Variants in SPATA13 observed in about 807,000 individuals in gnomAD.
SPATA13 encodes the protein spermatogenesis associated 13.
A neutral mutation model predicts 104.0 loss-of-function variants in SPATA13; 50 were observed. The ratio of observed to expected loss-of-function variants is 0.48; its 90% CI spans 0.38 to 0.61. SPATA13 has a LOEUF of 0.61. Among genes scored for constraint, SPATA13 ranks in the 20% least tolerant of loss-of-function variants. The pLI is 0.00. For missense variants in SPATA13, 1,524 were observed against 1,690.6 expected (o/e 0.90, Z 1.73); for synonymous variants, 606 against 667.5 (o/e 0.91, Z 1.42).
chr13:24,046,424 G>C (rs1423965686), intron 3 of SPATA13, among the ~76,000 whole-genome samples: 1 of 151,360 alleles, frequency 6.6e-6, no homozygotes, highest in African/African-American at 2.4e-5. Flanking sequence ...CTCCACAGTA[G>C]CTAGGACACA....
intron 3 of SPATA13, among the ~76,000 whole-genome samples, chr13:24,146,900 T>G (rs1881951392): frequency 9.1e-6 from 1 of 110,296 alleles, no homozygotes; most frequent in East Asian, 2.9e-4. Flanking sequence ...TTTTACAAGC[T>G]CCAGTCTTTT....
chr13:24,054,943 C>G (rs1015553606), intron 3 of SPATA13, among the ~76,000 whole-genome samples: 3 of 152,204 alleles, frequency 2.0e-5, no homozygotes, highest in African/African-American at 7.2e-5. Context: ...ATTTAGCTAG[C>G]TACCTTTCAG....
chr13:24,246,946 A>G (rs546932037), intron 2 of SPATA13, among the ~76,000 whole-genome samples: 3 of 152,246 alleles, frequency 2.0e-5, no homozygotes, highest in Non-Finnish European at 4.4e-5. Flanking sequence ...AACTTAAGGG[A>G]AAACAAGTGA....
At chr13:24,092,220 G>GA (rs763524269) in intron 3 of SPATA13, among the ~76,000 whole-genome samples, 3 of 152,170 alleles carry the variant, frequency 2.0e-5, no homozygotes, top group Non-Finnish European at 2.9e-5. Flanking sequence ...AAGTGCTTTT[G>GA]AGATTGTGTT....
At chr13:24,217,568 A>G (rs1380075253) in intron 1 of SPATA13, among the ~76,000 whole-genome samples, 2 of 152,246 alleles carry the variant, frequency 1.3e-5, no homozygotes, top group Non-Finnish European at 2.9e-5. Context: ...GAAGGCAGAC[A>G]AGGAAAGCAG....
At chr13:24,046,876 G>C (rs1593297648) in intron 3 of SPATA13, among the ~76,000 whole-genome samples, 1 of 152,116 alleles carries the variant, frequency 6.6e-6, no homozygotes, top group East Asian at 1.9e-4. Flanking sequence ...GATAAAATCA[G>C]TTCACTGAGA....
chr13:24,139,093 C>A (rs538910705), intron 3 of SPATA13, among the ~76,000 whole-genome samples: 3 of 152,300 alleles, frequency 2.0e-5, no homozygotes, highest in African/African-American at 7.2e-5. Flanking sequence ...GGGGGTGCAT[C>A]CTTCCTCGCC....
At chr13:24,221,159 AGTGT>A (rs1566157332) in intron 1 of SPATA13, among the ~76,000 whole-genome samples, 3 of 152,222 alleles carry the variant, frequency 2.0e-5, no homozygotes, top group Admixed American at 1.3e-4. Flanking sequence ...AGTGGAGAAG[AGTGT>A]GGGCTTTGTG....
chr13:24,140,324 T>C (rs987893610), intron 3 of SPATA13, among the ~76,000 whole-genome samples: 1 of 152,186 alleles, frequency 6.6e-6, no homozygotes, highest in Non-Finnish European at 1.5e-5. Context: ...GCTGAGATGC[T>C]CAGGAAATCA....
At chr13:24,276,919 C>CT (rs1366893338) in intron 4 of SPATA13, among the ~76,000 whole-genome samples, 1 of 152,210 alleles carries the variant, frequency 6.6e-6, no homozygotes, top group Non-Finnish European at 1.5e-5. Flanking sequence ...CATTGACACG[C>CT]TGTGGACTAC....
intron 3 of SPATA13, among the ~76,000 whole-genome samples, chr13:24,031,028 AC>A (rs1877457623): frequency 6.6e-6 from 1 of 152,222 alleles, no homozygotes; most frequent in African/African-American, 2.4e-5. Context: ...CTATGTTTTC[AC>A]CCAGTTTACC....
At chr13:24,187,342 C>T (rs1869213636) in intron 1 of SPATA13, among the ~76,000 whole-genome samples, 1 of 152,098 alleles carries the variant, frequency 6.6e-6, no homozygotes, top group South Asian at 2.1e-4. Context: ...CTGAGTAGTC[C>T]TAGCTATCTT....
intron 1 of SPATA13, among the ~76,000 whole-genome samples, chr13:24,217,411 C>G (rs966661127): frequency 2.0e-5 from 3 of 152,180 alleles, no homozygotes; most frequent in Non-Finnish European, 4.4e-5. Context: ...CCATCTGGCC[C>G]AGATGTTGGG....
At chr13:24,171,597 C>A (rs906545879) in intron 1 of SPATA13, among the ~76,000 whole-genome samples, 1 of 152,204 alleles carries the variant, frequency 6.6e-6, no homozygotes, top group Admixed American at 6.5e-5. Flanking sequence ...GCTGGTGCCC[C>A]ACTGGGTCAG....
chr13:24,145,555 AG>A (rs974690567), intron 3 of SPATA13, among the ~76,000 whole-genome samples: 2 of 152,212 alleles, frequency 1.3e-5, no homozygotes, highest in African/African-American at 4.8e-5. Context: ...GAAGAGTCAG[AG>A]GGGTGGCATT....
At chr13:24,052,803 C>G (rs1158134022) in intron 3 of SPATA13, among the ~76,000 whole-genome samples, 13 of 149,968 alleles carry the variant, frequency 8.7e-5, no homozygotes, top group Non-Finnish European at 1.6e-4. Flanking sequence ...CTCAGGGGCC[C>G]GTGCAGCACT....
chr13:24,142,423 C>A (rs1344732922), intron 3 of SPATA13, among the ~76,000 whole-genome samples: 1 of 152,094 alleles, frequency 6.6e-6, no homozygotes, highest in Admixed American at 6.5e-5. Context: ...TCTTTCATGA[C>A]CTTGACACTT....
intron 3 of SPATA13, among the ~76,000 whole-genome samples, chr13:24,087,504 C>A (rs758953742): frequency 5.3e-5 from 8 of 152,138 alleles, no homozygotes; most frequent in Non-Finnish European, 7.4e-5. Context: ...TTTACTGCAA[C>A]GTTAATAGAA....
rs578073444 is a variant in SPATA13 at position 24,191,598 on chromosome 13, C to T, written c.-112+30666C>T. On this transcript the variant is annotated intron_variant, in intron 1 of 12. Coordinates refer to ENST00000382108, the MANE Select transcript of SPATA13 (RefSeq NM_001166271.3). ...GATCTTGGCTCACTGCAAGCTCTGC[C>T]ACCTGGGTTCACGCCATTCTCCTGC... is the stretch of plus-strand genomic sequence containing the variant. 2.0e-5 allele frequency among the ~76,000 whole-genome samples: 3 copies of T among 149,600 alleles called. No individual in the cohort carries two copies. The East Asian group carries it at 5.9e-4, about 30-fold the overall frequency.
Sources: gnomAD v4.1 joint callset for allele counts (sites outside exome capture counted in the v4.1 genomes callset) on GRCh38, gnomAD v4.1.1 for gene constraint, MANE v1.5 for transcripts, NCBI Gene and HGNC (gene_info 2026-07-23, HGNC 2026-07-21) for gene names.